The following ATG7 variants were observed in gnomAD, a reference collection of about 807,000 sequenced individuals.
ATG7 encodes autophagy related 7.
ATG7 carries 70 observed loss-of-function variants against 82.4 expected under a neutral mutation model. That is an observed-to-expected ratio of 0.85 (90% confidence interval 0.70 to 1.04). The LOEUF (loss-of-function observed/expected upper bound fraction) is 1.04. ATG7 is among the 50% of genes least tolerant of loss of function. The pLI is 0.00. For missense variants in ATG7, 792 were observed against 864.3 expected (o/e 0.92, Z 1.05); for synonymous variants, 287 against 313.0 (o/e 0.92, Z 0.88).
At chr3:11,431,810 A>T (rs1025930293) in intron 20 of ATG7, among the ~76,000 whole-genome samples, 3 of 152,240 alleles carry the variant, frequency 2.0e-5, no homozygotes, top group Admixed American at 6.5e-5. Flanking sequence ...TTTATGAAGG[A>T]GGAATGCAAA....
In ATG7 at chr3:11,395,972, G is replaced by GGGA. The variant is rs1559533727; in HGVS notation, c.1956+15922_1956+15923insAGG. ...AAAAAAAAAAAAAAAAAAAGGTAGG[G>GGGA]GGGGAAGAGTAAAAGTGAAGGTATT... On this transcript the variant is annotated intron_variant, in intron 19 of 20. Transcript: ENST00000693202. 1.3e-3 allele frequency among the ~76,000 whole-genome samples: 191 copies of GGGA among 144,292 alleles called. 27 individuals carry two copies. The highest frequency in any genetic ancestry group is 4.4e-3 in the African/African-American group (170 of 38,370). 94.7% of individuals were successfully genotyped at this position (144,292 alleles called of 152,430 possible). A position where few individuals can be genotyped will look rare whatever the true frequency, so the allele number is the denominator to read the frequency against.
Position 11,413,487 on chromosome 3 carries a change from A to G in ATG7, c.1957-13317A>G, listed in dbSNP as rs918290667. Among the ~76,000 whole-genome samples the G allele has an allele frequency of 2.0e-5, 3 of 152,070 alleles. No homozygotes were observed. The South Asian group carries it at 6.2e-4, about 31-fold the overall frequency. On this transcript the variant is annotated intron_variant, in intron 19 of 20. Coordinates refer to ENST00000693202, the MANE Select transcript of ATG7 (RefSeq NM_001349232.2). ...TGTTACATTGGTTTTTCGTCCTTGC[A>G]TTCCAGGAATAAATCTCACTTGGTC...
chr3:11,316,005 C>T (rs1213705931), intron 9 of ATG7, among the ~76,000 whole-genome samples: 1 of 152,170 alleles, frequency 6.6e-6, no homozygotes, highest in Non-Finnish European at 1.5e-5. Context: ...AGGTGTGAGC[C>T]ACTGTGCCCA....
chr3:11,439,072 T>TG (rs200360656), intron 20 of ATG7, among the ~76,000 whole-genome samples: 3 of 144,684 alleles, frequency 2.1e-5, no homozygotes, highest in Non-Finnish European at 4.6e-5. Flanking sequence ...TTTCTTTCTT[T>TG]TTTTTTTTTT....
intron 10 of ATG7, among the ~76,000 whole-genome samples, chr3:11,331,909 T>A (rs758352878): frequency 2.0e-4 from 31 of 152,326 alleles, no homozygotes; most frequent in Admixed American, 6.5e-4. Flanking sequence ...ACCAAAAGTA[T>A]TTAATAAAAA....
intron 20 of ATG7, among the ~76,000 whole-genome samples, chr3:11,490,214 C>T (rs142963098): frequency 0.52 from 79,004 of 152,028 alleles, 21,453 homozygotes; most frequent in East Asian, 0.66. Context: ...TTGAATTGAT[C>T]CCTTTACAAT....
At chr3:11,350,087 C>G (rs2075424937) in intron 14 of ATG7, among the ~76,000 whole-genome samples, 1 of 152,058 alleles carries the variant, frequency 6.6e-6, no homozygotes, top group South Asian at 2.1e-4. Flanking sequence ...ACAAAAAAAC[C>G]CACTTTCTCA....
At chr3:11,448,494 C>T (rs1394465444) in intron 20 of ATG7, among the ~76,000 whole-genome samples, 1 of 152,208 alleles carries the variant, frequency 6.6e-6, no homozygotes, top group Admixed American at 6.5e-5. Context: ...TTAGTCTCCT[C>T]CATAGTCTAA....
At chr3:11,500,679 C>T (rs1256029050) in intron 20 of ATG7, among the ~76,000 whole-genome samples, 1 of 152,102 alleles carries the variant, frequency 6.6e-6, no homozygotes, top group Non-Finnish European at 1.5e-5. Context: ...CGGAGTTTTG[C>T]TCTTGTTACC....
At chr3:11,558,331 G>A (rs2072626035), downstream of ATG7, 3 of 690,798 alleles carry the variant, frequency 4.3e-6, no homozygotes, top group East Asian at 8.2e-5. Flanking sequence ...ACATTAGACA[G>A]ATGTTCCACG....
chr3:11,398,632 G>A (rs1435785451), intron 19 of ATG7, among the ~76,000 whole-genome samples: 1 of 152,106 alleles, frequency 6.6e-6, no homozygotes. Context: ...GCAGGAGGAT[G>A]GCTTGAAGCC....
rs1553652380 is a variant in ATG7 at position 11,417,800 on chromosome 3, A to ATTATTTTTTTTTTTTTTTT, written c.1957-9002_1957-9001insATTTTTTTTTTTTTTTTTT. On this transcript the variant is annotated intron_variant, in intron 19 of 20. Transcript: ENST00000693202. ...CATTTAAAAAATTATTATTATTATT[A>ATTATTTTTTTTTTTTTTTT]TTTTATTTTATTTTATTTTTTTTTT... is the stretch of plus-strand genomic sequence containing the variant. 5.2e-4 allele frequency among the ~76,000 whole-genome samples: 57 copies of ATTATTTTTTTTTTTTTTTT among 109,346 alleles called. 2 individuals carry two copies. Among genetic ancestry groups the ATTATTTTTTTTTTTTTTTT allele is most frequent in the East Asian group, 1.8e-3 (6 of 3,266 alleles). 71.7% of individuals were successfully genotyped at this position (109,346 alleles called of 152,430 possible). A position where few individuals can be genotyped will look rare whatever the true frequency, so the allele number is the denominator to read the frequency against.
intron 19 of ATG7, among the ~76,000 whole-genome samples, chr3:11,407,688 T>C (rs2080479701): frequency 6.6e-6 from 1 of 152,204 alleles, no homozygotes; most frequent in Admixed American, 6.5e-5. Context: ...ACTTGCAGGC[T>C]CAAAACCACG....
chr3:11,412,096 C>T (rs1439570419), intron 19 of ATG7, among the ~76,000 whole-genome samples: 2 of 151,918 alleles, frequency 1.3e-5, no homozygotes, highest in Non-Finnish European at 1.5e-5. Context: ...TCTGGTGCTG[C>T]AGCCAAGGAG....
intron 19 of ATG7, among the ~76,000 whole-genome samples, chr3:11,384,328 T>C (rs556473503): frequency 3.9e-5 from 6 of 152,336 alleles, no homozygotes; most frequent in African/African-American, 1.4e-4. Flanking sequence ...GCATACCATC[T>C]GGGACCTGCG....
At chr3:11,344,492 C>T (rs760932403) in intron 13 of ATG7, among the ~76,000 whole-genome samples, 1 of 152,178 alleles carries the variant, frequency 6.6e-6, no homozygotes, top group Non-Finnish European at 1.5e-5. Flanking sequence ...GTTGAGCATT[C>T]CTAGAATAAA....
At chr3:11,564,652 G>T in the ATG7 span, 7 of 829,080 alleles carry the variant, frequency 8.4e-6, no homozygotes, top group East Asian at 2.1e-4. Flanking sequence ...CAACAGAGGC[G>T]AAGGGTGGCA....
At chr3:11,475,295 CA>C (rs2088021937) in intron 20 of ATG7, among the ~76,000 whole-genome samples, 1 of 152,258 alleles carries the variant, frequency 6.6e-6, no homozygotes, top group East Asian at 1.9e-4. Context: ...TACACACCCA[CA>C]AAGCCCCTAT....
intron 20 of ATG7, among the ~76,000 whole-genome samples, chr3:11,517,652 G>A (rs1341804566): frequency 2.0e-5 from 3 of 152,320 alleles, no homozygotes; most frequent in Admixed American, 1.3e-4. Context: ...GAAGATGCAC[G>A]TCTAAGGTGT....
Sources: gnomAD v4.1 joint callset for allele counts (sites outside exome capture counted in the v4.1 genomes callset) on GRCh38, gnomAD v4.1.1 for gene constraint, MANE v1.5 for transcripts, NCBI Gene and HGNC (gene_info 2026-07-23, HGNC 2026-07-21) for gene names.